The following HSDL2 variants were observed in gnomAD, a reference collection of about 807,000 sequenced individuals.
HSDL2 encodes the protein hydroxysteroid dehydrogenase like 2, also known as hydroxysteroid dehydrogenase-like protein 2.
A neutral mutation model predicts 46.3 loss-of-function variants in HSDL2; 27 were observed. The observed-to-expected ratio is 0.58, with a 90% CI of 0.43 to 0.80. HSDL2 has a LOEUF of 0.80. Ranked by LOEUF, HSDL2 falls within the 30% of genes least tolerant of loss-of-function variation. The probability of loss-of-function intolerance (pLI) is 0.00; values close to 1 mark genes in which losing one functional copy is unlikely to be tolerated. For synonymous variants in HSDL2, 153 were observed against 163.6 expected, an observed-to-expected ratio of 0.94 and a Z score of 0.50; for missense variants, 451 against 502.7, an observed-to-expected ratio of 0.90 and a Z score of 0.98.
rs771658667 is a variant in HSDL2 at position 112,441,754 on chromosome 9, G to C, written c.849G>C (p.Lys283Asn). 6.2e-7 allele frequency: 1 copy of C among 1,606,116 alleles called. No homozygotes were observed. The highest frequency in any genetic ancestry group is 2.2e-5 in the East Asian group (1 of 44,742). Residue 283 changes from lysine to asparagine, a missense_variant, in exon 8 of 11, where the codon AAG becomes AAC. Physicochemically the swap from Lys to Asn is moderately conservative, Grantham distance 94. Coordinates refer to ENST00000398805, the MANE Select transcript of HSDL2 (RefSeq NM_032303.5). Reference sequence around the variant, plus strand: ...ATGAATACCCAGAAGCAGTTAGCAAGAAAGTGGAATCAACTGGTAAGATCT... The same window carrying C: ...ATGAATACCCAGAAGCAGTTAGCAACAAAGTGGAATCAACTGGTAAGATCT... The part of the protein sequence containing the change: ...FLDEYPEAVS[K>N]KVESTGAVPE...
chr9:112,388,056 G>A (rs941798786), intron 1 of HSDL2, among the ~76,000 whole-genome samples: 14 of 152,078 alleles, frequency 9.2e-5, no homozygotes, highest in African/African-American at 3.4e-4. Context: ...CTACTCAGGA[G>A]GCTGAGGTGG....
At chr9:112,464,206 A>G (rs1465349326) in intron 10 of HSDL2, among the ~76,000 whole-genome samples, 4 of 151,274 alleles carry the variant, frequency 2.6e-5, no homozygotes, top group African/African-American at 9.7e-5. Flanking sequence ...GCTTCTACAC[A>G]CACACAGACA....
intron 6 of HSDL2, among the ~76,000 whole-genome samples, chr9:112,436,163 G>A (rs1170316170): frequency 6.9e-6 from 1 of 145,918 alleles, no homozygotes; most frequent in African/African-American, 2.6e-5. Flanking sequence ...GATCGTTTGA[G>A]AGCCCAGGAG....
chr9:112,452,514 A>G (rs981875110), intron 8 of HSDL2, among the ~76,000 whole-genome samples: 22 of 152,190 alleles, frequency 1.4e-4, no homozygotes, highest in South Asian at 8.3e-4. Flanking sequence ...TGGGAGGCCA[A>G]TGTGGGTGGA....
chr9:112,429,080 G>T (rs1832322300), intron 6 of HSDL2, among the ~76,000 whole-genome samples: 1 of 152,138 alleles, frequency 6.6e-6, no homozygotes, highest in Non-Finnish European at 1.5e-5. Flanking sequence ...TGTATTTTTA[G>T]TAGAGATGGG....
intron 1 of HSDL2, among the ~76,000 whole-genome samples, chr9:112,397,224 C>T (rs554554322): frequency 3.9e-5 from 6 of 152,308 alleles, no homozygotes; most frequent in African/African-American, 1.4e-4. Context: ...TGCCGTCCTT[C>T]ATAGCCCGTG....
intron 8 of HSDL2, among the ~76,000 whole-genome samples, chr9:112,442,944 A>T (rs1390643861): frequency 6.6e-6 from 1 of 152,092 alleles, no homozygotes; most frequent in Non-Finnish European, 1.5e-5. Context: ...AATAAAAAGG[A>T]CTTTTTTGTA....
At chr9:112,408,320 C>T (rs1463676622) in intron 3 of HSDL2, among the ~76,000 whole-genome samples, 2 of 152,174 alleles carry the variant, frequency 1.3e-5, no homozygotes, top group African/African-American at 4.8e-5. Context: ...AAGCTACAAA[C>T]CACCGAAGAC....
chr9:112,456,581 T>C (rs990748351), intron 9 of HSDL2, among the ~76,000 whole-genome samples: 6 of 152,112 alleles, frequency 3.9e-5, no homozygotes, highest in Non-Finnish European at 8.8e-5. Flanking sequence ...GGCTCAGCAC[T>C]CTCGACACTC....
chr9:112,396,694 G>T (rs945122427), intron 1 of HSDL2, among the ~76,000 whole-genome samples: 1 of 152,076 alleles, frequency 6.6e-6, no homozygotes, highest in Non-Finnish European at 1.5e-5. Flanking sequence ...GAGGTAAAGG[G>T]CCAGAACCTT....
chr9:112,463,481 A>G (rs1486233584), intron 10 of HSDL2, among the ~76,000 whole-genome samples: 2 of 152,160 alleles, frequency 1.3e-5, no homozygotes, highest in African/African-American at 4.8e-5. Flanking sequence ...CCCATCAGCA[A>G]TGTATTAAGG....
intron 5 of HSDL2, among the ~76,000 whole-genome samples, chr9:112,417,842 C>G (rs1318220655): frequency 6.7e-6 from 1 of 149,926 alleles, no homozygotes; most frequent in African/African-American, 2.5e-5. Flanking sequence ...CTTTGGGAAG[C>G]CGAGACAGGC....
intron 6 of HSDL2, among the ~76,000 whole-genome samples, chr9:112,431,328 A>G (rs1420660221): frequency 6.6e-6 from 1 of 152,154 alleles, no homozygotes; most frequent in African/African-American, 2.4e-5. Context: ...CCACAAAACT[A>G]CATGATACCA....
intron 1 of HSDL2, among the ~76,000 whole-genome samples, chr9:112,390,816 G>GA (rs1185588488): frequency 6.6e-6 from 1 of 151,738 alleles, no homozygotes; most frequent in East Asian, 1.9e-4. Context: ...CCACTTACAG[G>GA]AAAAAAAGAA....
At chr9:112,407,995 A>G (rs1424993489) in intron 3 of HSDL2, among the ~76,000 whole-genome samples, 2 of 152,210 alleles carry the variant, frequency 1.3e-5, no homozygotes, top group Admixed American at 6.5e-5. Flanking sequence ...AACTAGATAG[A>G]ATTTGCAGAA....
chr9:112,398,632 C>G (rs1055518390), intron 1 of HSDL2, among the ~76,000 whole-genome samples: 1 of 151,980 alleles, frequency 6.6e-6, no homozygotes, highest in Non-Finnish European at 1.5e-5. Context: ...TCACCAGACA[C>G]AGAAAACTGT....
chr9:112,420,184 T>C (rs1587944625), intron 6 of HSDL2, among the ~76,000 whole-genome samples: 1 of 151,904 alleles, frequency 6.6e-6, no homozygotes, highest in Non-Finnish European at 1.5e-5. Context: ...CTACTAAAAA[T>C]AGGATAAATT....
At chr9:112,389,152 G>A (rs1205867109) in intron 1 of HSDL2, among the ~76,000 whole-genome samples, 2 of 151,864 alleles carry the variant, frequency 1.3e-5, no homozygotes, top group South Asian at 2.1e-4. Flanking sequence ...TGAGCCTCCC[G>A]AGTAGCTGGG....
intron 3 of HSDL2, among the ~76,000 whole-genome samples, chr9:112,407,186 G>C (rs1831751348): frequency 6.6e-6 from 1 of 152,190 alleles, no homozygotes; most frequent in South Asian, 2.1e-4. Context: ...TGTGTCAGAA[G>C]AGGAGAGAAA....
Sources: allele counts gnomAD v4.1 joint callset (sites outside exome capture counted in the v4.1 genomes callset), GRCh38; gene constraint gnomAD v4.1.1; transcripts MANE v1.5; gene names NCBI Gene and HGNC (gene_info 2026-07-23, HGNC 2026-07-21).